The following DIAPH2 variants were observed in gnomAD, a reference collection of about 807,000 sequenced individuals.
DIAPH2 encodes the protein diaphanous related formin 2.
Under a neutral mutation model 92.7 loss-of-function variants are expected in DIAPH2, and 35 were observed. The observed-to-expected ratio is 0.38, with a 90% CI of 0.29 to 0.50. The LOEUF (loss-of-function observed/expected upper bound fraction) is 0.50. Among genes scored for constraint, DIAPH2 ranks in the 20% least tolerant of loss-of-function variants. The probability of loss-of-function intolerance (pLI) is 0.94; values close to 1 mark genes in which losing one functional copy is unlikely to be tolerated. For synonymous variants in DIAPH2, 301 were observed against 280.4 expected, an observed-to-expected ratio of 1.07 and a Z score of -0.73; for missense variants, 701 against 819.5, an observed-to-expected ratio of 0.86 and a Z score of 1.77.
chrX:97,034,997 G>A (rs183319935), intron 17 of DIAPH2, among the ~76,000 whole-genome samples: 3,982 of 111,723 alleles, frequency 0.036, 88 homozygotes, highest in Middle Eastern at 0.083. Flanking sequence ...AAAACATATC[G>A]GCTAGTGTAT....
chrX:97,430,143 G>A (rs1240493666), intron 26 of DIAPH2, among the ~76,000 whole-genome samples: 1 of 112,050 alleles, frequency 8.9e-6, no homozygotes, highest in African/African-American at 3.2e-5. Context: ...GACAATGCTT[G>A]TTTCTAGAGA....
At chrX:96,994,482 T>C (rs2066092029) in intron 17 of DIAPH2, among the ~76,000 whole-genome samples, 1 of 111,775 alleles carries the variant, frequency 8.9e-6, no homozygotes, top group Admixed American at 9.5e-5. Flanking sequence ...GTAGAAAGTT[T>C]GTAGCTCAGA....
intron 25 of DIAPH2, among the ~76,000 whole-genome samples, chrX:97,399,212 G>A (rs1185259643): frequency 9.0e-6 from 1 of 110,637 alleles, no homozygotes; most frequent in East Asian, 2.8e-4. Flanking sequence ...CATATGCCAG[G>A]TTTTGTTTGT....
intron 26 of DIAPH2, among the ~76,000 whole-genome samples, chrX:97,502,350 A>G (rs2070804718): frequency 8.9e-6 from 1 of 112,437 alleles, no homozygotes; most frequent in African/African-American, 3.2e-5. Flanking sequence ...TGTTTAGTAG[A>G]ATAATATATT....
At chrX:96,811,048 T>C (rs1483333633) in intron 4 of DIAPH2, among the ~76,000 whole-genome samples, 1 of 111,995 alleles carries the variant, frequency 8.9e-6, no homozygotes, top group Non-Finnish European at 1.9e-5. Context: ...TTTCCAATTC[T>C]GTGAAAAAAG....
At chrX:97,477,920 A>G (rs1213506839) in intron 26 of DIAPH2, among the ~76,000 whole-genome samples, 1 of 111,343 alleles carries the variant, frequency 9.0e-6, no homozygotes, top group Non-Finnish European at 1.9e-5. Flanking sequence ...TGCCTAGGTA[A>G]TGGGTACTTG....
chrX:96,803,753 G>A (rs746132879), intron 4 of DIAPH2, among the ~76,000 whole-genome samples: 1 of 112,224 alleles, frequency 8.9e-6, no homozygotes, highest in Admixed American at 9.4e-5. Context: ...TAAAATTCCT[G>A]TGCTGGCTGG....
At chrX:96,761,703 A>G (rs1353114358) in intron 4 of DIAPH2, among the ~76,000 whole-genome samples, 1 of 111,483 alleles carries the variant, frequency 9.0e-6, no homozygotes, top group Non-Finnish European at 1.9e-5. Context: ...TTCACTGAGT[A>G]TAGACCTGCT....
intron 1 of DIAPH2, among the ~76,000 whole-genome samples, chrX:96,701,771 G>A (rs1157799388): frequency 2.7e-5 from 3 of 111,872 alleles, no homozygotes; most frequent in Non-Finnish European, 3.8e-5. Context: ...GAACGTAGGT[G>A]ATCATAGGAA....
intron 17 of DIAPH2, among the ~76,000 whole-genome samples, chrX:97,070,992 C>T (rs1232892625): frequency 3.6e-5 from 4 of 111,650 alleles, no homozygotes; most frequent in Non-Finnish European, 7.5e-5. Context: ...CTTCATGGCA[C>T]AACATGTTTT....
In DIAPH2 at chrX:97,115,968, A is replaced by G. The variant is rs2067013711; in HGVS notation, c.2589+1003A>G. 4.5e-5 allele frequency among the ~76,000 whole-genome samples: 5 copies of G among 111,908 alleles called. No homozygotes were observed. The Admixed American group carries it at 4.7e-4, about 11-fold the overall frequency. On this transcript the variant is annotated intron_variant, in intron 21 of 26. Coordinates refer to ENST00000324765, the MANE Select transcript of DIAPH2 (RefSeq NM_006729.5). ...GTGAAGGCCTGTAAGAAAGCTAGAGACGAAAATAAATCTGAAAACAAGCAA... is the reference window on the plus strand; with the variant it reads ...GTGAAGGCCTGTAAGAAAGCTAGAGGCGAAAATAAATCTGAAAACAAGCAA...
intron 26 of DIAPH2, among the ~76,000 whole-genome samples, chrX:97,476,796 T>C (rs1236961405): frequency 1.9e-5 from 2 of 102,609 alleles, no homozygotes; most frequent in African/African-American, 3.6e-5. Context: ...AATACAAAAT[T>C]AGCCAGGTGT....
intron 4 of DIAPH2, among the ~76,000 whole-genome samples, chrX:96,792,702 G>T (rs1215296182): frequency 9.0e-6 from 1 of 111,613 alleles, no homozygotes; most frequent in Non-Finnish European, 1.9e-5. Context: ...AGATTAGATT[G>T]AATATTCTTA....
At position 97,604,403 on chromosome X, in the gene DIAPH2, A is replaced by AG. The variant is rs1160837514; in HGVS notation, c.*5091dup. 9.0e-6 allele frequency: 1 copy of AG among 111,303 alleles called. No individual in the cohort carries two copies. The highest frequency in any genetic ancestry group is 1.9e-5 in the Non-Finnish European group (1 of 52,989). 9.2% of individuals were successfully genotyped at this position (111,303 alleles called of 1,213,427 possible). On this transcript the variant is annotated 3_prime_UTR_variant, in exon 27 of 27. Coordinates refer to ENST00000324765, the MANE Select transcript of DIAPH2 (RefSeq NM_006729.5). ...AGGATATTGAATATCTTTTTTGGGG[A>AG]GGGGGCACCATGCAGCTCACTACAC...
chrX:97,541,122 T>C (rs916638703), intron 26 of DIAPH2, among the ~76,000 whole-genome samples: 3 of 111,449 alleles, frequency 2.7e-5, no homozygotes, highest in Non-Finnish European at 5.7e-5. Flanking sequence ...AACTTCCCAA[T>C]TAAACATGAC....
intron 20 of DIAPH2, among the ~76,000 whole-genome samples, chrX:97,112,015 A>T (rs2066983819): frequency 8.9e-6 from 1 of 112,412 alleles, no homozygotes; most frequent in Non-Finnish European, 1.9e-5. Flanking sequence ...CATTGTTACC[A>T]TCATTATCAA....
chrX:97,032,655 G>A (rs919804891), intron 17 of DIAPH2, among the ~76,000 whole-genome samples: 2 of 110,311 alleles, frequency 1.8e-5, no homozygotes, highest in East Asian at 2.8e-4. Context: ...GCTATGCTCC[G>A]CTTAAAAAAG....
intron 17 of DIAPH2, among the ~76,000 whole-genome samples, chrX:97,056,341 A>G (rs909412420): frequency 1.8e-5 from 2 of 111,794 alleles, no homozygotes; most frequent in Non-Finnish European, 3.8e-5. Context: ...ATAGTAGGCT[A>G]GGTTTTATAT....
At chrX:96,907,921 T>A (rs1404337447) in intron 5 of DIAPH2, among the ~76,000 whole-genome samples, 2 of 112,121 alleles carry the variant, frequency 1.8e-5, no homozygotes, top group African/African-American at 6.5e-5. Context: ...TTGTGGTATA[T>A]TCATACAGTA....
Sources: allele counts gnomAD v4.1 joint callset (sites outside exome capture counted in the v4.1 genomes callset), GRCh38; gene constraint gnomAD v4.1.1; transcripts MANE v1.5; gene names NCBI Gene and HGNC (gene_info 2026-07-23, HGNC 2026-07-21).